The following MALRD1 variants were observed in gnomAD, a reference collection of about 807,000 sequenced individuals.
MALRD1 encodes the protein MAM and LDL-receptor class A domain-containing protein 1.
In MALRD1, 247 loss-of-function variants were observed where a neutral mutation model predicts 242.1. The observed-to-expected ratio is 1.02, with a 90% confidence interval of 0.92 to 1.13. The LOEUF (loss-of-function observed/expected upper bound fraction) is 1.13. Among genes scored for constraint, MALRD1 ranks in the 50% most tolerant of loss-of-function variants. The pLI is 0.00. For missense variants in MALRD1, 2,989 were observed against 2,533.1 expected (o/e 1.18, Z -3.86); for synonymous variants, 995 against 866.6 (o/e 1.15, Z -2.60).
At chr10:19,456,190 C>G (rs1161705611) in intron 29 of MALRD1, among the ~76,000 whole-genome samples, 2 of 152,050 alleles carry the variant, frequency 1.3e-5, no homozygotes, top group Non-Finnish European at 2.9e-5. Flanking sequence ...TAGCAAAACA[C>G]TCACACCCCC....
At position 19,695,270 on chromosome 10, in the gene MALRD1, G is replaced by C. The variant is rs116876465; in HGVS notation, c.6314+2716G>C. Among the ~76,000 whole-genome samples the C allele has an allele frequency of 3.0e-3, 462 of 151,978 alleles. 7 individuals carry two copies. The East Asian group carries it at 0.055, about 18-fold the overall frequency. ...ATATTTATATATGACATTATCCACC[G>C]ACTAAAAAGAGATGAGGGGCTAGAT... On this transcript the variant is annotated intron_variant, in intron 38 of 39. Transcript: ENST00000454679.
intron 36 of MALRD1, among the ~76,000 whole-genome samples, chr10:19,657,904 T>C (rs1841238960): frequency 6.6e-6 from 1 of 152,096 alleles, no homozygotes; most frequent in African/African-American, 2.4e-5. Flanking sequence ...TCCCAGCACT[T>C]TGGGAGGCTG....
intron 31 of MALRD1, among the ~76,000 whole-genome samples, chr10:19,513,425 CT>C (rs34441106): frequency 0.12 from 17,084 of 139,452 alleles, 824 homozygotes; most frequent in East Asian, 0.21. Flanking sequence ...AAATAAATCT[CT>C]TTTTTTTTTT....
rs539421026 is a variant in MALRD1, at chr10:19,063,484, C to T, written c.200-3235C>T. Among the ~76,000 whole-genome samples the T allele has an allele frequency of 2.0e-5, 3 of 152,220 alleles. No individual in the cohort carries two copies. The East Asian group carries it at 5.8e-4, about 29-fold the overall frequency. The stretch of plus-strand genomic sequence containing the variant: ...ACAATGAAAACGTATCCTACTCATT[C>T]CCACTTTTTCAAAATCATGCCTCAA... On this transcript the variant is annotated intron_variant, in intron 1 of 39. Transcript: ENST00000454679.
intron 36 of MALRD1, among the ~76,000 whole-genome samples, chr10:19,682,099 T>C (rs1355166993): frequency 6.6e-6 from 1 of 152,224 alleles, no homozygotes; most frequent in Non-Finnish European, 1.5e-5. Context: ...TAAAACTTTT[T>C]GTTTTTTACT....
At chr10:19,243,074 T>TG (rs1554818745) in intron 18 of MALRD1, among the ~76,000 whole-genome samples, 2,067 of 147,308 alleles carry the variant, frequency 0.014, 52 homozygotes, top group African/African-American at 0.046. Flanking sequence ...TTTTTTTTTT[T>TG]TGTGTGTGTA....
Position 19,133,903 on chromosome 10 carries a change from G to A in MALRD1, c.1158G>A (p.Trp386Ter). Residue 386 changes from tryptophan (W) to a stop codon, truncating the protein, a stop_gained, in exon 9 of 40, where the codon TGG becomes TGA. Transcript: ENST00000454679. LOFTEE classifies it high-confidence loss of function. ...ACAACATATCAACTCACAGCCAATG[G>A]GTGAAAGCAGATGTGTTAATACCAG... is the stretch of plus-strand genomic sequence containing the variant. ...WTYNISTHSQ[W>*]VKADVLIPED... 8.1e-7 allele frequency: 1 copy of A among 1,231,032 alleles called. No homozygotes were observed. The highest frequency in any genetic ancestry group is 1.0e-6 in the Non-Finnish European group (1 of 987,514). The allele number at this position is 1,231,032 out of a possible 1,614,324, so 76.3% of individuals were successfully genotyped here. A position where few individuals can be genotyped will look rare whatever the true frequency, so the allele number is the denominator to read the frequency against.
chr10:19,148,131 T>C (rs916675618), intron 11 of MALRD1, among the ~76,000 whole-genome samples: 12 of 151,742 alleles, frequency 7.9e-5, no homozygotes, highest in Admixed American at 3.9e-4. Context: ...ATGGAGAGGG[T>C]GAAAGGCTGG....
intron 24 of MALRD1, among the ~76,000 whole-genome samples, chr10:19,341,726 A>G (rs1447017649): frequency 6.6e-6 from 1 of 151,970 alleles, no homozygotes; most frequent in Non-Finnish European, 1.5e-5. Flanking sequence ...ATATTTGACT[A>G]AAGAATGAAA....
chr10:19,286,695 A>C (rs886671199), intron 21 of MALRD1, among the ~76,000 whole-genome samples: 12 of 151,604 alleles, frequency 7.9e-5, no homozygotes, highest in African/African-American at 2.9e-4. Context: ...ACCAACCAAA[A>C]AGAGTCCAGG....
chr10:19,298,319 A>G (rs1296086679), intron 21 of MALRD1, among the ~76,000 whole-genome samples: 1 of 151,636 alleles, frequency 6.6e-6, no homozygotes, highest in African/African-American at 2.4e-5. Context: ...ATAGATAATC[A>G]GCGCCCATGA....
Position 19,378,498 on chromosome 10 carries a change from T to C in MALRD1, c.4442-9030T>C, listed in dbSNP as rs915913013. On this transcript the variant is annotated intron_variant, in intron 26 of 39. Coordinates refer to ENST00000454679, the MANE Select transcript of MALRD1 (RefSeq NM_001142308.3). ...TGCATAGTTGAAAGAACACAGGGCC[T>C]GTGATCAATCAGTATATGGTCTACC... Among the ~76,000 whole-genome samples the C allele has an allele frequency of 2.6e-5, 4 of 152,332 alleles. No individual in the cohort carries two copies. In the South Asian group the frequency reaches 8.3e-4, roughly 32 times the overall value.
At chr10:19,346,039 C>G (rs1844105101) in intron 24 of MALRD1, among the ~76,000 whole-genome samples, 1 of 152,032 alleles carries the variant, frequency 6.6e-6, no homozygotes, top group Non-Finnish European at 1.5e-5. Flanking sequence ...CCCACCTTAG[C>G]CTCCTAAAAT....
intron 26 of MALRD1, among the ~76,000 whole-genome samples, chr10:19,361,454 G>T (rs981761022): frequency 6.6e-6 from 1 of 152,098 alleles, no homozygotes; most frequent in Admixed American, 6.6e-5. Flanking sequence ...AGCTCATATT[G>T]TTCTGTGAAA....
intron 30 of MALRD1, among the ~76,000 whole-genome samples, chr10:19,498,249 A>G (rs1238937084): frequency 1.3e-5 from 2 of 152,240 alleles, no homozygotes; most frequent in African/African-American, 2.4e-5. Context: ...ACTATCATCT[A>G]TAAATATTAT....
At chr10:19,662,490 C>A (rs1417415596) in intron 36 of MALRD1, among the ~76,000 whole-genome samples, 1 of 152,032 alleles carries the variant, frequency 6.6e-6, no homozygotes, top group Non-Finnish European at 1.5e-5. Flanking sequence ...TACCGTCATT[C>A]TTTTTGAGGA....
At chr10:19,306,109 ATATATACTATC>A (rs1400448091) in intron 21 of MALRD1, among the ~76,000 whole-genome samples, 3 of 110,632 alleles carry the variant, frequency 2.7e-5, no homozygotes, top group Admixed American at 2.1e-4. Context: ...TAGATAGTAT[ATATATACTATC>A]TAGTATATAT....
intron 31 of MALRD1, among the ~76,000 whole-genome samples, chr10:19,499,636 TC>T (rs1485636879): frequency 6.6e-6 from 1 of 152,120 alleles, no homozygotes; most frequent in African/African-American, 2.4e-5. Flanking sequence ...TATACACACA[TC>T]CTGTTGATTC....
chr10:19,722,294 T>A (rs943367335), intron 38 of MALRD1: 1 of 152,066 alleles, frequency 6.6e-6, no homozygotes, highest in African/African-American at 2.4e-5. Context: ...TCTATTTTTT[T>A]AAATCAAAAG....
Sources: allele counts gnomAD v4.1 joint callset (sites outside exome capture counted in the v4.1 genomes callset), GRCh38; gene constraint gnomAD v4.1.1; transcripts MANE v1.5; gene names NCBI Gene and HGNC (gene_info 2026-07-23, HGNC 2026-07-21).